The following EIF2AK4 variants were observed in gnomAD, a reference collection of about 807,000 sequenced individuals.
EIF2AK4 encodes eIF-2-alpha kinase GCN2.
Under a neutral mutation model 211.1 loss-of-function variants are expected in EIF2AK4, and 139 were observed. The observed-to-expected ratio is 0.66, with a 90% CI of 0.57 to 0.76. The LOEUF (loss-of-function observed/expected upper bound fraction) is 0.76. Among genes scored for constraint, EIF2AK4 ranks in the 30% least tolerant of loss-of-function variants. EIF2AK4 has a pLI of 0.00. For missense variants in EIF2AK4, 1,664 were observed against 2,043.8 expected (o/e 0.81, Z 3.58); for synonymous variants, 710 against 751.3 (o/e 0.94, Z 0.90).
At position 39,976,592 on chromosome 15, in the gene EIF2AK4, G is replaced by A; in HGVS notation, c.1997G>A (p.Gly666Glu). The change falls in exon 12 of 39, where the codon GGG becomes GAG. Residue 666 changes from glycine (G) to glutamate (E), a missense_variant. By Grantham distance (98) the Gly-to-Glu change is moderately conservative (BLOSUM62 -2). This residue lies in a region of EIF2AK4 where 206 missense variants were observed against 201.9 expected (regional missense o/e 1.02). Transcript: ENST00000263791. ...CGGCACGAGCGGCCGGCGGGACCGG[G>A]GACGCCGCCCCCGGACTCCGGGCCC... is the stretch of plus-strand genomic sequence containing the variant. ...IERHERPAGP[G>E]TPPPDSGPLA... 1.2e-6 allele frequency: 2 copies of A among 1,610,152 alleles called. No individual in the cohort carries two copies. The highest frequency in any genetic ancestry group is 1.1e-5 in the South Asian group (1 of 90,818).
intron 24 of EIF2AK4, among the ~76,000 whole-genome samples, chr15:40,007,394 GC>G (rs1477105908): frequency 6.6e-6 from 1 of 152,142 alleles, no homozygotes; most frequent in African/African-American, 2.4e-5. Flanking sequence ...ATCACAGATG[GC>G]CCCTTTTAAA....
Position 40,022,600 on chromosome 15 carries a change from G to A in EIF2AK4, c.4384G>A (p.Val1462Ile). The change falls in exon 32 of 39, where the codon GTC (valine) becomes ATC (isoleucine). Residue 1462 changes from valine (V) to isoleucine (I), a missense_variant. This residue lies in a region of EIF2AK4 where 622 missense variants were observed against 796.8 expected (regional missense o/e 0.78). Transcript: ENST00000263791. ...TGTCTCGGATAAAGAAGGAAGCCAT[G>A]TCAAGGTAAAGACGTCAGAGATTTT... ...ALVSDKEGSHVKVKSFEKERQ... is the reference protein window; with the variant it reads ...ALVSDKEGSHIKVKSFEKERQ... The A allele has an allele frequency of 6.2e-7, 1 of 1,614,116 alleles. No homozygotes were observed. Among genetic ancestry groups the A allele is most frequent in the Non-Finnish European group, 8.5e-7 (1 of 1,179,952 alleles).
At chr15:39,969,184 A>G (rs2034586496) in intron 9 of EIF2AK4, among the ~76,000 whole-genome samples, 1 of 152,014 alleles carries the variant, frequency 6.6e-6, no homozygotes, top group African/African-American at 2.4e-5. Flanking sequence ...AAGGTTAGCA[A>G]TAGCATCATG....
At chr15:40,014,060 C>T (rs2035273190) in intron 27 of EIF2AK4, among the ~76,000 whole-genome samples, 3 of 152,220 alleles carry the variant, frequency 2.0e-5, no homozygotes, top group Admixed American at 2.0e-4. Context: ...GCTAAAGGCC[C>T]CATGCAAGTC....
intron 5 of EIF2AK4, among the ~76,000 whole-genome samples, chr15:39,954,691 A>G (rs1464089441): frequency 6.6e-6 from 1 of 152,254 alleles, no homozygotes; most frequent in Non-Finnish European, 1.5e-5. Context: ...GCAGTGGTGA[A>G]AAAGGATAGA....
chr15:40,034,337 T>C lies in EIF2AK4; in HGVS notation c.4785T>C (p.Asp1595=). 1 of 1,614,032 alleles carries C rather than the reference T, an allele frequency of 6.2e-7. No individual in the cohort carries two copies. The highest frequency in any genetic ancestry group is 8.5e-7 in the Non-Finnish European group (1 of 1,179,946). Residue 1595 remains aspartate (D), a synonymous_variant, in exon 38 of 39, where the codon GAT becomes GAC. Transcript: ENST00000263791. ...LQFLSLEWDA[D]EQAFNTTVKQ... is the part of the protein sequence containing the mutation. ...TATTTTTTTCCTAGTGGGATGCTGA[T>C]GAACAGGCATTTAACACAACTGTGA...
chr15:40,017,547 A>ATATATATG (rs1567006898), intron 29 of EIF2AK4, among the ~76,000 whole-genome samples: 1 of 55,162 alleles, frequency 1.8e-5, no homozygotes, highest in Non-Finnish European at 3.9e-5. Context: ...ATATATATAT[A>ATATATATG]TATATATGTA....
chr15:39,962,375 A>T (rs1004937964), intron 7 of EIF2AK4, among the ~76,000 whole-genome samples: 3 of 152,248 alleles, frequency 2.0e-5, no homozygotes, highest in Non-Finnish European at 4.4e-5. Context: ...AAAATGATTA[A>T]AATATTATCA....
chr15:40,016,570 A>G lies in EIF2AK4; in HGVS notation c.3828A>G (p.Ser1276=). The change falls in exon 28 of 39, where the codon TCA becomes TCG. Residue 1276 remains serine (S), a synonymous_variant. Coordinates refer to ENST00000263791, the MANE Select transcript of EIF2AK4 (RefSeq NM_001013703.4). ...DLQDLMPTIN[S]LIKQKTGIAQ... is the part of the protein sequence containing the mutation. Reference sequence around the variant, plus strand: ...AAGATCTTATGCCAACAATAAATTCATTAATAAAACAGAAAACAGGTATTG... The same window carrying G: ...AAGATCTTATGCCAACAATAAATTCGTTAATAAAACAGAAAACAGGTATTG... 6.2e-7 allele frequency: 1 copy of G among 1,614,226 alleles called. No individual in the cohort carries two copies. Among genetic ancestry groups the G allele is most frequent in the Non-Finnish European group, 8.5e-7 (1 of 1,180,028 alleles).
intron 33 of EIF2AK4, among the ~76,000 whole-genome samples, chr15:40,027,725 C>T (rs2035482901): frequency 6.6e-6 from 1 of 152,026 alleles, no homozygotes; most frequent in Non-Finnish European, 1.5e-5. Context: ...CCCGTCTCTA[C>T]TAAAGATACA....
Position 39,973,012 on chromosome 15 carries a change from A to G in EIF2AK4, c.1658A>G (p.Glu553Gly), listed in dbSNP as rs767655859. 1 of 1,612,802 alleles carries G rather than the reference A, an allele frequency of 6.2e-7. No individual in the cohort carries two copies. Among genetic ancestry groups the G allele is most frequent in the East Asian group, 2.2e-5 (1 of 44,864 alleles). Reference sequence around the variant, plus strand: ...ATGCCTCTAGTGGAACAAAGTCCTGAAGGTGAGTCTGTTACCTTTCTTTAT... The same window carrying G: ...ATGCCTCTAGTGGAACAAAGTCCTGGAGGTGAGTCTGTTACCTTTCTTTAT... ...PKMPLVEQSP[E>G]DSEGQDYVET... The change falls in exon 10 of 39, where the codon GAA (glutamate) becomes GGA (glycine). Residue 553 changes from glutamate (E) to glycine (G), a missense_variant and splice_region_variant. Physicochemically the swap from Glu to Gly is moderately conservative, Grantham distance 98. Coordinates refer to ENST00000263791, the MANE Select transcript of EIF2AK4 (RefSeq NM_001013703.4).
At chr15:40,013,834 A>G (rs2035270402) in intron 27 of EIF2AK4, among the ~76,000 whole-genome samples, 1 of 152,156 alleles carries the variant, frequency 6.6e-6, no homozygotes, top group African/African-American at 2.4e-5. Context: ...TCTCAAAACC[A>G]ATCATGCCTT....
At chr15:39,993,565 G>A (rs916149027) in intron 18 of EIF2AK4, among the ~76,000 whole-genome samples, 6 of 152,302 alleles carry the variant, frequency 3.9e-5, no homozygotes, top group African/African-American at 1.4e-4. Flanking sequence ...CACACATAAA[G>A]AGAAAGCCCT....
At chr15:39,953,599 G>A (rs16970033) in intron 4 of EIF2AK4, among the ~76,000 whole-genome samples, 10,725 of 152,210 alleles carry the variant, frequency 0.07, 735 homozygotes, top group Admixed American at 0.2. Context: ...GACAAGTGTC[G>A]GAAGAAGTGA....
rs2034501507 is a variant in EIF2AK4, at chr15:39,963,545, T to G, written c.859+1646T>G. Among the ~76,000 whole-genome samples the G allele has an allele frequency of 4.6e-5, 7 of 152,188 alleles. No homozygotes were observed. The South Asian group carries it at 1.4e-3, about 31-fold the overall frequency. ...TCTATGAAATGTTTTTATAAAAGAT[T>G]AACTACTAATTTTTTTATTTTCAAT... On this transcript the variant is annotated intron_variant, in intron 7 of 38. Coordinates refer to ENST00000263791, the MANE Select transcript of EIF2AK4 (RefSeq NM_001013703.4).
chr15:39,963,663 CACT>C (rs1194546219), intron 7 of EIF2AK4, among the ~76,000 whole-genome samples: 4 of 152,198 alleles, frequency 2.6e-5, no homozygotes, highest in Admixed American at 2.6e-4. Context: ...ATGACTATAG[CACT>C]ATAGAGACTG....
At chr15:39,941,698 ATAACTCTTTGTTG>A (rs2034147062) in intron 2 of EIF2AK4, among the ~76,000 whole-genome samples, 1 of 152,224 alleles carries the variant, frequency 6.6e-6, no homozygotes, top group Non-Finnish European at 1.5e-5. Context: ...ATGTGGGCAG[ATAACTCTTTGTTG>A]TGGGGTCCTT....
intron 13 of EIF2AK4, among the ~76,000 whole-genome samples, chr15:39,985,554 T>A (rs2034852768): frequency 6.6e-6 from 1 of 152,148 alleles, no homozygotes; most frequent in Non-Finnish European, 1.5e-5. Context: ...AGAAGTTGAA[T>A]CCCTGAATAG....
intron 1 of EIF2AK4, among the ~76,000 whole-genome samples, chr15:39,934,812 A>G (rs1385714254): frequency 3.9e-5 from 6 of 152,200 alleles, no homozygotes; most frequent in South Asian, 2.1e-4. Context: ...TGCACGCCAC[A>G]TAATTCCCTC....
Sources: allele counts gnomAD v4.1 joint callset (sites outside exome capture counted in the v4.1 genomes callset), GRCh38; gene constraint gnomAD v4.1.1; regional missense constraint gnomAD v4.1.1; transcripts MANE v1.5; gene names NCBI Gene and HGNC (gene_info 2026-07-23, HGNC 2026-07-21).